Variants in EMP2 observed in about 807,000 individuals in gnomAD.
The protein encoded by EMP2 is epithelial membrane protein 2.
EMP2 carries 19 observed loss-of-function variants against 13.7 expected under a neutral mutation model. That is an observed-to-expected ratio of 1.38 (90% CI 0.97 to 2.03). The LOEUF (loss-of-function observed/expected upper bound fraction) is 2.03. Ranked by LOEUF, EMP2 falls within the 30% of genes most tolerant of loss-of-function variation. EMP2 has a pLI of 0.00. For missense variants in EMP2, 253 were observed against 220.7 expected, an observed-to-expected ratio of 1.15 and a Z score of -0.93; for synonymous variants, 97 against 84.7, an observed-to-expected ratio of 1.15 and a Z score of -0.80.
chr16:10,559,050 C>T, intron 1 of EMP2: 1 of 152,368 alleles, frequency 6.6e-6, no homozygotes, highest in South Asian at 2.1e-4. Context: ...AAGTGTTCCA[C>T]CCACAGCTCC....
chr16:10,549,488 A>C (rs1256906027), intron 1 of EMP2, among the ~76,000 whole-genome samples: 2 of 152,232 alleles, frequency 1.3e-5, no homozygotes, highest in Admixed American at 1.3e-4. Flanking sequence ...CAAAACTCAA[A>C]TGTCAAGGGA....
At chr16:10,579,739 C>CACACACACA (rs58884484) in intron 1 of EMP2, among the ~76,000 whole-genome samples, 1 of 145,752 alleles carries the variant, frequency 6.9e-6, no homozygotes, top group African/African-American at 2.5e-5. Context: ...CACACACACA[C>CACACACACA]CCTCAAAGCT....
rs560749155 is a variant in EMP2 at position 10,564,229 on chromosome 16, G to A, written c.-61+16320C>T. 1.1e-4 allele frequency among the ~76,000 whole-genome samples: 16 copies of A among 152,312 alleles called. 1 individual carries two copies. In the East Asian group the frequency reaches 1.7e-3, roughly 17 times the overall value. On this transcript the variant is annotated intron_variant, in intron 1 of 4. Transcript: ENST00000359543. The stretch of plus-strand genomic sequence containing the variant: ...ATTCTGGCCAGGCACAGTGGCTCAC[G>A]CCTGTAATCCCAACATTTTGGTAGG...
chr16:10,534,522 T>A (rs1178602931), intron 4 of EMP2, among the ~76,000 whole-genome samples: 2 of 152,144 alleles, frequency 1.3e-5, no homozygotes, highest in Admixed American at 1.3e-4. Flanking sequence ...TCCCACCACT[T>A]TGGGAGGTTG....
intron 1 of EMP2, chr16:10,578,071 A>G (rs1054234889): frequency 2.0e-5 from 3 of 151,688 alleles, no homozygotes; most frequent in Non-Finnish European, 4.4e-5. Context: ...TCTGGCCTGG[A>G]AGGACATTTA....
intron 1 of EMP2, among the ~76,000 whole-genome samples, chr16:10,569,201 G>C (rs930232460): frequency 6.6e-6 from 1 of 152,190 alleles, no homozygotes; most frequent in Non-Finnish European, 1.5e-5. Context: ...AATGGGACCT[G>C]GGTAGGCCCT....
At chr16:10,565,761 C>T (rs2050903079) in intron 1 of EMP2, among the ~76,000 whole-genome samples, 1 of 152,140 alleles carries the variant, frequency 6.6e-6, no homozygotes. Flanking sequence ...GATGCTGAGC[C>T]AGCACCATGG....
chr16:10,568,578 T>C (rs984618775), intron 1 of EMP2, among the ~76,000 whole-genome samples: 1 of 151,970 alleles, frequency 6.6e-6, no homozygotes, highest in African/African-American at 2.4e-5. Flanking sequence ...GGTACATCTT[T>C]ATCTTTTGTT....
intron 3 of EMP2, among the ~76,000 whole-genome samples, chr16:10,543,349 C>T (rs1375213928): frequency 6.6e-6 from 1 of 152,266 alleles, no homozygotes; most frequent in Non-Finnish European, 1.5e-5. Context: ...TCCAACTTAG[C>T]TGGAGTTGGT....
At chr16:10,559,395 G>A (rs1441242006) in intron 1 of EMP2, among the ~76,000 whole-genome samples, 1 of 152,228 alleles carries the variant, frequency 6.6e-6, no homozygotes, top group Non-Finnish European at 1.5e-5. Flanking sequence ...ACTGTGGCTG[G>A]AGCTCTGGGC....
At chr16:10,578,082 T>C (rs1464004534) in intron 1 of EMP2, 1 of 151,996 alleles carries the variant, frequency 6.6e-6, no homozygotes, top group Non-Finnish European at 1.5e-5. Flanking sequence ...AGGACATTTA[T>C]ATATTTTCAT....
intron 1 of EMP2, among the ~76,000 whole-genome samples, chr16:10,566,314 T>C (rs2050906502): frequency 6.6e-6 from 1 of 152,174 alleles, no homozygotes; most frequent in Non-Finnish European, 1.5e-5. Context: ...TTGCCATAAA[T>C]AGAAATTAAT....
At chr16:10,547,805 G>T (rs1372889721) in intron 1 of EMP2, 128 bp from the exon 2 acceptor site, 2 of 575,878 alleles carry the variant, frequency 3.5e-6, no homozygotes, top group African/African-American at 3.8e-5. Flanking sequence ...GGAGAAGGTG[G>T]GAAGATCACT....
chr16:10,551,746 A>G (rs982438944), intron 1 of EMP2, among the ~76,000 whole-genome samples: 1 of 152,042 alleles, frequency 6.6e-6, no homozygotes, highest in African/African-American at 2.4e-5. Context: ...TCTGGTACCA[A>G]CTATTCCCCC....
rs1428867696 is a variant in EMP2 at position 10,579,410 on chromosome 16, G to A, written c.-61+1139C>T. On this transcript the variant is annotated intron_variant, in intron 1 of 4. Transcript: ENST00000359543. Reference sequence around the variant, plus strand: ...TAACATCATAATCATCATTTTAACCGATGATAAGCATACAACTCAGTGGCA... The same window carrying A: ...TAACATCATAATCATCATTTTAACCAATGATAAGCATACAACTCAGTGGCA... Among the ~76,000 whole-genome samples, 8 of 151,994 alleles carry A rather than the reference G, an allele frequency of 5.3e-5. No individual in the cohort carries two copies. The East Asian group carries it at 9.6e-4, about 18-fold the overall frequency.
intron 3 of EMP2, among the ~76,000 whole-genome samples, chr16:10,539,214 AG>A (rs2050674935): frequency 6.6e-6 from 1 of 152,002 alleles, no homozygotes; most frequent in Admixed American, 6.6e-5. Context: ...CACGCTGCAC[AG>A]AAAATCTAAG....
intron 2 of EMP2, among the ~76,000 whole-genome samples, 177 bp from the exon 3 acceptor site, chr16:10,543,837 G>T (rs530225174): frequency 6.6e-6 from 1 of 152,126 alleles, no homozygotes; most frequent in Non-Finnish European, 1.5e-5. Flanking sequence ...GGTGGGGACT[G>T]GGATTCTGCA....
intron 1 of EMP2, among the ~76,000 whole-genome samples, chr16:10,563,843 G>T (rs569328583): frequency 6.6e-6 from 1 of 152,348 alleles, no homozygotes; most frequent in East Asian, 1.9e-4. Context: ...AGTGAAAGTA[G>T]TTAGAACAGC....
Position 10,557,978 on chromosome 16 carries a change from G to A in EMP2, c.-60-10301C>T, listed in dbSNP as rs375977546. On this transcript the variant is annotated intron_variant, in intron 1 of 4. Transcript: ENST00000359543. ...TGAGACACTGGGAACTGTGGGTGGC[G>A]TTATGGAAATTCTGCACACAAAGTG... is the stretch of plus-strand genomic sequence containing the variant. Among the ~76,000 whole-genome samples the A allele has an allele frequency of 2.2e-3, 338 of 151,912 alleles. 1 individual carries two copies. The highest frequency in any genetic ancestry group is 7.6e-3 in the African/African-American group (316 of 41,412).
Sources: allele counts gnomAD v4.1 joint callset (sites outside exome capture counted in the v4.1 genomes callset), GRCh38; gene constraint gnomAD v4.1.1; transcripts MANE v1.5; gene names NCBI Gene and HGNC (gene_info 2026-07-23, HGNC 2026-07-21).